ARSB: variants seen among roughly 807,000 people sequenced by gnomAD.
The protein encoded by ARSB is arylsulfatase B.
ARSB carries 41 observed loss-of-function variants against 50.9 expected under a neutral mutation model. That is an observed-to-expected ratio of 0.81 (90% CI 0.63 to 1.04). ARSB has a LOEUF of 1.04. ARSB is among the 50% of genes least tolerant of loss of function. The pLI is 0.00. For missense variants in ARSB, 672 were observed against 693.3 expected (o/e 0.97, Z 0.35); for synonymous variants, 269 against 284.8 (o/e 0.94, Z 0.56).
chr5:78,802,628 C>T (rs1377065708), intron 6 of ARSB, among the ~76,000 whole-genome samples: 1 of 152,058 alleles, frequency 6.6e-6, no homozygotes, highest in East Asian at 1.9e-4. Flanking sequence ...TAAACAGAGG[C>T]CGTGGAGGAG....
chr5:78,854,850 G>A (rs759534839), intron 5 of ARSB, among the ~76,000 whole-genome samples: 1 of 152,094 alleles, frequency 6.6e-6, no homozygotes, highest in East Asian at 1.9e-4. Context: ...GCTGGGTATC[G>A]CATGCTTAGC....
chr5:78,946,621 A>G (rs931064951), intron 4 of ARSB, among the ~76,000 whole-genome samples: 5 of 152,204 alleles, frequency 3.3e-5, no homozygotes, highest in African/African-American at 1.2e-4. Context: ...TGATGAAGGA[A>G]ATTGAAGCAG....
intron 5 of ARSB, among the ~76,000 whole-genome samples, chr5:78,851,831 T>C (rs1745808798): frequency 6.6e-6 from 1 of 152,160 alleles, no homozygotes; most frequent in African/African-American, 2.4e-5. Context: ...TCTTTGTCTC[T>C]TTTGATCTTT....
At chr5:78,970,322 AAAC>A (rs1200613864) in intron 1 of ARSB, among the ~76,000 whole-genome samples, 1 of 152,216 alleles carries the variant, frequency 6.6e-6, no homozygotes, top group African/African-American at 2.4e-5. Flanking sequence ...AAAAAATATA[AAAC>A]AATGCCATTC....
At chr5:78,901,351 A>T (rs1372868486) in intron 4 of ARSB, among the ~76,000 whole-genome samples, 1 of 152,208 alleles carries the variant, frequency 6.6e-6, no homozygotes, top group Non-Finnish European at 1.5e-5. Flanking sequence ...TGATAAAGTG[A>T]TATTTATCCC....
chr5:78,983,668 C>T (rs1295555543), intron 1 of ARSB, among the ~76,000 whole-genome samples: 1 of 152,134 alleles, frequency 6.6e-6, no homozygotes, highest in East Asian at 1.9e-4. Context: ...TCCTTTACTC[C>T]CATTTCTAAC....
At chr5:78,789,028 T>A (rs1448850820) in intron 6 of ARSB, among the ~76,000 whole-genome samples, 1 of 152,206 alleles carries the variant, frequency 6.6e-6, no homozygotes, top group African/African-American at 2.4e-5. Flanking sequence ...GGGAAGGGAC[T>A]GAGGGGAGGG....
chr5:78,964,639 A>G, intron 2 of ARSB, 33 bp from the exon 3 acceptor site: 1 of 1,596,442 alleles, frequency 6.3e-7, no homozygotes, highest in Non-Finnish European at 8.6e-7. Flanking sequence ...TAGTCAGCAT[A>G]GCATAAAACT....
At chr5:78,884,025 T>C (rs1414303048) in intron 5 of ARSB, 1 of 152,204 alleles carries the variant, frequency 6.6e-6, no homozygotes, top group African/African-American at 2.4e-5. Context: ...CAGCAGGGAC[T>C]ATAAACTTAA....
intron 4 of ARSB, among the ~76,000 whole-genome samples, chr5:78,933,239 G>A (rs1750426370): frequency 6.6e-6 from 1 of 152,178 alleles, no homozygotes. Context: ...TATACCCATG[G>A]ATTGAAGAAT....
chr5:78,953,076 T>G (rs1238967837), intron 4 of ARSB, among the ~76,000 whole-genome samples: 1 of 152,228 alleles, frequency 6.6e-6, no homozygotes, highest in Non-Finnish European at 1.5e-5. Flanking sequence ...TCTACCTTTT[T>G]TTTCTGAAGA....
chr5:78,927,164 G>A (rs1055806446), intron 4 of ARSB, among the ~76,000 whole-genome samples: 4 of 151,984 alleles, frequency 2.6e-5, no homozygotes, highest in Non-Finnish European at 5.9e-5. Flanking sequence ...ACGCCTGCCT[G>A]GCTGAAATTA....
At chr5:78,802,411 A>AC (rs139141122) in intron 6 of ARSB, among the ~76,000 whole-genome samples, 3,423 of 152,262 alleles carry the variant, frequency 0.022, 134 homozygotes, top group African/African-American at 0.078. Context: ...ACTCTTGTTC[A>AC]CCAGTGTACT....
intron 4 of ARSB, among the ~76,000 whole-genome samples, chr5:78,944,398 T>A (rs182045003): frequency 1.3e-5 from 2 of 152,318 alleles, no homozygotes; most frequent in African/African-American, 2.4e-5. Context: ...TTTTTCCCCA[T>A]CTTTGTGGTT....
chr5:78,985,235 C>G lies in ARSB; in HGVS notation c.14G>C (p.Gly5Ala). ...GGGGCCTCGGGGCAAGCTCGCCGCGCCGCGCGGACCCATCCTTGTCCGCCC... is the reference window on the plus strand; with the variant it reads ...GGGGCCTCGGGGCAAGCTCGCCGCGGCGCGCGGACCCATCCTTGTCCGCCC... MGPR[G>A]AASLPRGPGP... Residue 5 changes from glycine to alanine, a missense_variant, in exon 1 of 8, where the codon GGC becomes GCC. Gly to Ala is a moderately conservative substitution (Grantham distance 60, BLOSUM62 0). Coordinates refer to ENST00000264914, the MANE Select transcript of ARSB (RefSeq NM_000046.5). The G allele has an allele frequency of 7.5e-7, 1 of 1,324,694 alleles. No homozygotes were observed. Among genetic ancestry groups the G allele is most frequent in the Non-Finnish European group, 9.6e-7 (1 of 1,044,032 alleles). The allele number at this position is 1,324,694 out of a possible 1,614,324, so 82.1% of individuals were successfully genotyped here. A position where few individuals can be genotyped will look rare whatever the true frequency, so the allele number is the denominator to read the frequency against.
chr5:78,861,683 T>C (rs1297463340), intron 5 of ARSB, among the ~76,000 whole-genome samples: 2 of 152,174 alleles, frequency 1.3e-5, no homozygotes, highest in African/African-American at 2.4e-5. Context: ...ACTGGAAGCA[T>C]TCCCTTTGAA....
intron 4 of ARSB, among the ~76,000 whole-genome samples, chr5:78,896,848 T>C (rs765638636): frequency 6.6e-6 from 1 of 152,194 alleles, no homozygotes; most frequent in East Asian, 1.9e-4. Context: ...GGAATTTATA[T>C]ACAATACTGT....
intron 4 of ARSB, among the ~76,000 whole-genome samples, chr5:78,920,548 C>T (rs186226691): frequency 1.6e-4 from 24 of 152,244 alleles, no homozygotes; most frequent in African/African-American, 5.3e-4. Flanking sequence ...CTCTACCCTG[C>T]TAGCCACAGG....
intron 6 of ARSB, among the ~76,000 whole-genome samples, chr5:78,788,940 T>G (rs1382080281): frequency 2.6e-5 from 4 of 152,200 alleles, no homozygotes; most frequent in Non-Finnish European, 5.9e-5. Flanking sequence ...CCTACATTTT[T>G]GTTTGAAGAA....
Sources: gnomAD v4.1 joint callset for allele counts (sites outside exome capture counted in the v4.1 genomes callset) on GRCh38, gnomAD v4.1.1 for gene constraint, MANE v1.5 for transcripts, NCBI Gene and HGNC (gene_info 2026-07-23, HGNC 2026-07-21) for gene names.